OR1F1: variants seen among roughly 807,000 people sequenced by gnomAD.
The protein encoded by OR1F1 is olfactory receptor family 1 subfamily F member 1.
For synonymous variants in OR1F1, 184 were observed against 156.7 expected (o/e 1.17, Z -1.30); for missense variants, 493 against 376.3 (o/e 1.31, Z -2.57).
upstream of OR1F1, among the ~76,000 whole-genome samples, chr16:3,199,772 T>C (rs577042987): frequency 6.6e-4 from 100 of 152,134 alleles, 1 homozygote; most frequent in African/African-American, 2.2e-3. Flanking sequence ...TCTCAGCACT[T>C]TGAGAGGCCA....
chr16:3,203,797 T>G (rs1958165549), upstream of OR1F1, among the ~76,000 whole-genome samples: 1 of 152,166 alleles, frequency 6.6e-6, no homozygotes, highest in African/African-American at 2.4e-5. Context: ...TCAGTGGGAC[T>G]TCACTGATAA....
At chr16:3,194,304 C>T in the OR1F1 span, among the ~76,000 whole-genome samples, 1 of 152,208 alleles carries the variant, frequency 6.6e-6, no homozygotes, top group Non-Finnish European at 1.5e-5. Context: ...GTTTGTCTTT[C>T]TGTTTTAGAA....
chr16:3,205,491 T>C (rs1958196553), downstream of OR1F1, among the ~76,000 whole-genome samples: 1 of 151,840 alleles, frequency 6.6e-6, no homozygotes. Flanking sequence ...AATTTTTTTT[T>C]TTTTTTTTGA....
chr16:3,201,888 C>G (rs1958139307), upstream of OR1F1, among the ~76,000 whole-genome samples: 1 of 152,194 alleles, frequency 6.6e-6, no homozygotes, highest in Non-Finnish European at 1.5e-5. Flanking sequence ...TCTGCATAAA[C>G]TGCACCTTAT....
At chr16:3,189,965 GTTTT>G in the OR1F1 span, among the ~76,000 whole-genome samples, 1 of 151,754 alleles carries the variant, frequency 6.6e-6, no homozygotes, top group Non-Finnish European at 1.5e-5. Context: ...GTTTTGTTTT[GTTTT>G]TTGTTACTTC....
chr16:3,197,174 C>A, the OR1F1 span, among the ~76,000 whole-genome samples: 2 of 143,440 alleles, frequency 1.4e-5, no homozygotes, highest in Non-Finnish European at 3.0e-5. Context: ...TCACACCTGG[C>A]ATTTTTTTTT....
upstream of OR1F1, among the ~76,000 whole-genome samples, chr16:3,202,552 G>T (rs1337346841): frequency 6.6e-6 from 1 of 151,890 alleles, no homozygotes; most frequent in Non-Finnish European, 1.5e-5. Context: ...TGTTCTTGTT[G>T]TTTGTTTGTT....
exon 1 of OR1F1, chr16:3,204,273 C>T: frequency 6.2e-7 from 1 of 1,611,300 alleles, no homozygotes; most frequent in Non-Finnish European, 8.5e-7. Flanking sequence ...AGTCGAGTGT[C>T]TCCGAGTTCC....
the OR1F1 span, among the ~76,000 whole-genome samples, chr16:3,196,428 G>T: frequency 6.6e-6 from 1 of 152,164 alleles, no homozygotes; most frequent in Non-Finnish European, 1.5e-5. Flanking sequence ...CTGTTGCCCA[G>T]GCTGGAGGGC....
At chr16:3,200,323 A>G (rs1596324057), upstream of OR1F1, among the ~76,000 whole-genome samples, 1 of 152,122 alleles carries the variant, frequency 6.6e-6, no homozygotes, top group East Asian at 1.9e-4. Context: ...TAAAATGAGG[A>G]AAAAGGCTGG....
the OR1F1 span, among the ~76,000 whole-genome samples, chr16:3,193,976 G>C: frequency 1.7e-4 from 26 of 152,186 alleles, no homozygotes; most frequent in African/African-American, 6.0e-4. Context: ...GTGGGTTCGA[G>C]TTCCACCTGG....
chr16:3,195,762 A>C, the OR1F1 span, among the ~76,000 whole-genome samples: 1 of 151,670 alleles, frequency 6.6e-6, no homozygotes, highest in Non-Finnish European at 1.5e-5. Flanking sequence ...TTGAAAGTCC[A>C]TTTTGTTAAC....
At chr16:3,200,562 C>G (rs1263207249), upstream of OR1F1, among the ~76,000 whole-genome samples, 1 of 152,204 alleles carries the variant, frequency 6.6e-6, no homozygotes, top group Admixed American at 6.5e-5. Flanking sequence ...TGCGCCACTG[C>G]GCTCTAGCCT....
chr16:3,197,705 A>G, the OR1F1 span, among the ~76,000 whole-genome samples: 46 of 120,258 alleles, frequency 3.8e-4, no homozygotes, highest in South Asian at 6.0e-4. Context: ...GAGAGGGAGA[A>G]GGAGAGGGAG....
At chr16:3,199,621 C>A (rs1958113341), upstream of OR1F1, among the ~76,000 whole-genome samples, 1 of 151,924 alleles carries the variant, frequency 6.6e-6, no homozygotes, top group Non-Finnish European at 1.5e-5. Context: ...TGATATGATA[C>A]CTTGGTTTAT....
At chr16:3,200,621 C>T (rs907229314), upstream of OR1F1, among the ~76,000 whole-genome samples, 29 of 152,228 alleles carry the variant, frequency 1.9e-4, no homozygotes, top group East Asian at 7.7e-4. Context: ...AAACAAAAAA[C>T]GAATAAACAA....
chr16:3,189,665 T>G, the OR1F1 span: 3 of 151,832 alleles, frequency 2.0e-5, no homozygotes, highest in African/African-American at 7.2e-5. Flanking sequence ...GATTCTCGCT[T>G]AGGGTGCGAG....
chr16:3,199,842 C>A (rs1004632367), upstream of OR1F1, among the ~76,000 whole-genome samples: 9 of 151,686 alleles, frequency 5.9e-5, no homozygotes, highest in Non-Finnish European at 1.2e-4. Flanking sequence ...ATGGAGAAAC[C>A]CCGTCTCTAC....
the OR1F1 span, among the ~76,000 whole-genome samples, chr16:3,199,036 T>C: frequency 0.048 from 6,847 of 143,462 alleles, 559 homozygotes; most frequent in African/African-American, 0.17. Context: ...CCCAGCACTT[T>C]GAGAGGCCAG....
Sources: gnomAD v4.1 joint callset for allele counts (sites outside exome capture counted in the v4.1 genomes callset) on GRCh38, gnomAD v4.1.1 for gene constraint, MANE v1.5 for transcripts, NCBI Gene and HGNC (gene_info 2026-07-23, HGNC 2026-07-21) for gene names.